The following KIAA1549L variants were observed in gnomAD, a reference collection of about 807,000 sequenced individuals.
KIAA1549L encodes the protein KIAA1549 like.
KIAA1549L carries 88 observed loss-of-function variants against 160.7 expected under a neutral mutation model. That is an observed-to-expected ratio of 0.55 (90% CI 0.46 to 0.65). The LOEUF (loss-of-function observed/expected upper bound fraction) is 0.65. Ranked by LOEUF, KIAA1549L falls within the 30% of genes least tolerant of loss-of-function variation. The probability of loss-of-function intolerance (pLI) is 0.00; values close to 1 mark genes in which losing one functional copy is unlikely to be tolerated. For synonymous variants in KIAA1549L, 950 were observed against 976.7 expected (o/e 0.97, Z 0.51); for missense variants, 2,258 against 2,437.5 (o/e 0.93, Z 1.55).
At chr11:33,524,335 AT>A (rs575651056) in intron 1 of KIAA1549L, among the ~76,000 whole-genome samples, 3 of 148,446 alleles carry the variant, frequency 2.0e-5, no homozygotes, top group East Asian at 2.0e-4. Context: ...TGTTCACTCT[AT>A]TTTTTTTTCT....
At chr11:33,582,405 C>T (rs1307825956) in intron 10 of KIAA1549L, among the ~76,000 whole-genome samples, 1 of 152,138 alleles carries the variant, frequency 6.6e-6, no homozygotes, top group African/African-American at 2.4e-5. Flanking sequence ...CTCAGTTTTG[C>T]CTAGTAGCCC....
intron 1 of KIAA1549L, among the ~76,000 whole-genome samples, chr11:33,455,445 A>G (rs1488637055): frequency 6.6e-6 from 1 of 152,196 alleles, no homozygotes; most frequent in Non-Finnish European, 1.5e-5. Flanking sequence ...GGGGGAGACA[A>G]GATTCCTGGG....
chr11:33,668,508 G>A lies in KIAA1549L; in HGVS notation c.*354G>A, dbSNP rs566879573. 2.0e-5 allele frequency: 6 copies of A among 306,902 alleles called. No homozygotes were observed. Among genetic ancestry groups the A allele is most frequent in the East Asian group, 1.4e-4 (2 of 14,152 alleles). The allele number at this position is 306,902 out of a possible 1,614,324, so 19.0% of individuals were successfully genotyped here. On this transcript the variant is annotated 3_prime_UTR_variant, in exon 21 of 21. Transcript: ENST00000658780. ...CACATTTTAATAAATCACCGGAAGC[G>A]GGAGAATGTAGCTCTTATCTTCGGT...
intron 10 of KIAA1549L, among the ~76,000 whole-genome samples, chr11:33,580,606 A>AG (rs1855607085): frequency 8.0e-5 from 12 of 150,822 alleles, no homozygotes; most frequent in Admixed American, 5.9e-4. Context: ...AGAAAAGAAA[A>AG]AAAAAGCCAC....
rs1213479873 is a variant in KIAA1549L, at chr11:33,544,187, T to G, written c.2624T>G (p.Ile875Ser). 1.7e-5 allele frequency: 27 copies of G among 1,613,888 alleles called. No homozygotes were observed. In the Admixed American group the frequency reaches 4.5e-4, roughly 27 times the overall value. The stretch of plus-strand genomic sequence containing the variant: ...ACAGGTTCTGAAATTTCCAGTGACA[T>G]CAATTCATCACCTGAGAGAAATGCT... ...TDTGSEISSD[I>S]NSSPERNAST... Residue 875 changes from isoleucine (I) to serine (S), a missense_variant, in exon 2 of 21, where the codon ATC (isoleucine) becomes AGC (serine). Ile to Ser is a moderately radical substitution (Grantham distance 142). Coordinates refer to ENST00000658780, the MANE Select transcript of KIAA1549L (RefSeq NM_012194.3).
At chr11:33,537,252 A>C (rs1166664575) in intron 1 of KIAA1549L, among the ~76,000 whole-genome samples, 1 of 151,796 alleles carries the variant, frequency 6.6e-6, no homozygotes, top group Non-Finnish European at 1.5e-5. Flanking sequence ...GTGCTTTCTG[A>C]CCTCCCTGAT....
chr11:33,486,041 G>A (rs1007540871), intron 1 of KIAA1549L, among the ~76,000 whole-genome samples: 1 of 152,180 alleles, frequency 6.6e-6, no homozygotes, highest in Non-Finnish European at 1.5e-5. Flanking sequence ...CACTTAGGCT[G>A]ATTGCGTATT....
intron 10 of KIAA1549L, among the ~76,000 whole-genome samples, chr11:33,577,838 A>G (rs572485138): frequency 1.3e-5 from 2 of 152,218 alleles, no homozygotes; most frequent in South Asian, 4.2e-4. Flanking sequence ...TCCTCGCTGC[A>G]GTCACCTCAG....
intron 1 of KIAA1549L, among the ~76,000 whole-genome samples, chr11:33,417,303 C>G (rs186336297): frequency 6.6e-6 from 1 of 152,100 alleles, no homozygotes; most frequent in African/African-American, 2.4e-5. Flanking sequence ...ACACAGCATG[C>G]GCATGACACC....
In KIAA1549L at chr11:33,568,243, G is replaced by A. The variant is rs1353424431; in HGVS notation, c.4230+16G>A. 2 of 1,593,464 alleles carry A rather than the reference G, an allele frequency of 1.3e-6. No homozygotes were observed. The highest frequency in any genetic ancestry group is 1.7e-5 in the Admixed American group (1 of 57,760). ...CACTGTGCAGGTAGGTGTATACAGAGCCACTGGGGTTTTCTAATAACTGGG... is the reference window on the plus strand; with the variant it reads ...CACTGTGCAGGTAGGTGTATACAGAACCACTGGGGTTTTCTAATAACTGGG... On this transcript the variant is annotated intron_variant, in intron 9 of 20. Transcript: ENST00000658780.
chr11:33,640,548 C>T (rs1472058295), intron 16 of KIAA1549L, among the ~76,000 whole-genome samples: 2 of 152,232 alleles, frequency 1.3e-5, no homozygotes, highest in Non-Finnish European at 2.9e-5. Flanking sequence ...GGGTCAAGCT[C>T]ACACTCTCTG....
intron 1 of KIAA1549L, among the ~76,000 whole-genome samples, chr11:33,492,760 A>G (rs1852712837): frequency 6.6e-6 from 1 of 152,164 alleles, no homozygotes; most frequent in South Asian, 2.1e-4. Flanking sequence ...GTTTCCTATC[A>G]AAAGCTATCC....
intron 20 of KIAA1549L, among the ~76,000 whole-genome samples, chr11:33,666,405 C>T (rs1852454405): frequency 6.6e-6 from 1 of 152,204 alleles, no homozygotes; most frequent in Non-Finnish European, 1.5e-5. Flanking sequence ...TCCCTTTGCC[C>T]AGAATCCCCC....
intron 3 of KIAA1549L, among the ~76,000 whole-genome samples, chr11:33,547,524 C>T (rs936951554): frequency 6.6e-6 from 1 of 152,158 alleles, no homozygotes; most frequent in African/African-American, 2.4e-5. Context: ...AGAAATGAAA[C>T]GCCACCAGCA....
chr11:33,473,435 A>G (rs1005560501), intron 1 of KIAA1549L, among the ~76,000 whole-genome samples: 2 of 152,220 alleles, frequency 1.3e-5, no homozygotes, highest in Non-Finnish European at 2.9e-5. Flanking sequence ...GAGGTTGCAT[A>G]GGAGTTGTCA....
In KIAA1549L at chr11:33,618,444, C is replaced by CT. The variant is rs1261308291; in HGVS notation, c.5280-87dup. On this transcript the variant is annotated intron_variant, in intron 15 of 20. Coordinates refer to ENST00000658780, the MANE Select transcript of KIAA1549L (RefSeq NM_012194.3). ...GAGATTTGTGAGGCAAATCCAAACC[C>CT]TTCATTGGTTGCCTGTACTTTGGAT... is the stretch of plus-strand genomic sequence containing the variant. 9.7e-6 allele frequency: 12 copies of CT among 1,237,800 alleles called. No homozygotes were observed. The African/African-American group carries it at 1.8e-4, about 19-fold the overall frequency. 76.7% of individuals were successfully genotyped at this position (1,237,800 alleles called of 1,614,324 possible). A position where few individuals can be genotyped will look rare whatever the true frequency, so the allele number is the denominator to read the frequency against.
intron 1 of KIAA1549L, among the ~76,000 whole-genome samples, chr11:33,527,012 A>G (rs1236201087): frequency 1.3e-5 from 2 of 152,232 alleles, no homozygotes; most frequent in Non-Finnish European, 2.9e-5. Flanking sequence ...TGCAAAATAC[A>G]CTGGAAAGTT....
At chr11:33,566,403 C>T (rs1197249067) in intron 8 of KIAA1549L, among the ~76,000 whole-genome samples, 1 of 152,186 alleles carries the variant, frequency 6.6e-6, no homozygotes, top group Non-Finnish European at 1.5e-5. Context: ...AGAGGTGGGC[C>T]AGCCCTTCCA....
At chr11:33,638,429 A>ATAAAT (rs1352181691) in intron 16 of KIAA1549L, among the ~76,000 whole-genome samples, 2 of 18,124 alleles carry the variant, frequency 1.1e-4, no homozygotes, top group African/African-American at 7.4e-4. Flanking sequence ...AAATAAAAAA[A>ATAAAT]AAAAAAATAA....
Sources: allele counts gnomAD v4.1 joint callset (sites outside exome capture counted in the v4.1 genomes callset), GRCh38; gene constraint gnomAD v4.1.1; transcripts MANE v1.5; gene names NCBI Gene and HGNC (gene_info 2026-07-23, HGNC 2026-07-21).